The following INPP4B variants were observed in gnomAD, a reference collection of about 807,000 sequenced individuals.
The protein encoded by INPP4B is inositol polyphosphate 4-phosphatase type II.
INPP4B carries 55 observed loss-of-function variants against 122.5 expected under a neutral mutation model. The observed-to-expected ratio is 0.45, with a 90% CI of 0.36 to 0.56. The LOEUF is 0.56. Ranked by LOEUF, INPP4B falls within the 20% of genes least tolerant of loss-of-function variation. The pLI is 0.00. For synonymous variants in INPP4B, 403 were observed against 388.7 expected, an observed-to-expected ratio of 1.04 and a Z score of -0.43; for missense variants, 1,000 against 1,097.7, an observed-to-expected ratio of 0.91 and a Z score of 1.26.
At chr4:142,189,905 G>A (rs1834970136) in intron 15 of INPP4B, among the ~76,000 whole-genome samples, 1 of 152,098 alleles carries the variant, frequency 6.6e-6, no homozygotes, top group Non-Finnish European at 1.5e-5. Context: ...TAAAAGTTCA[G>A]TCTCCCTAAT....
intron 2 of INPP4B, among the ~76,000 whole-genome samples, chr4:142,628,702 A>G (rs1163621482): frequency 6.6e-6 from 1 of 151,840 alleles, no homozygotes; most frequent in African/African-American, 2.4e-5. Flanking sequence ...TTCATAAGAT[A>G]TGGCCCCACA....
chr4:142,479,451 C>T (rs75165155), intron 2 of INPP4B, among the ~76,000 whole-genome samples: 3,201 of 152,218 alleles, frequency 0.021, 110 homozygotes, highest in African/African-American at 0.071. Flanking sequence ...CCAGCAGGCT[C>T]ATTATTTGGT....
At chr4:142,419,118 GAGAT>G (rs1018269491) in intron 5 of INPP4B, among the ~76,000 whole-genome samples, 4 of 152,124 alleles carry the variant, frequency 2.6e-5, no homozygotes, top group African/African-American at 9.7e-5. Flanking sequence ...GTGCTTTATG[GAGAT>G]AGATACCATG....
At position 142,089,437 on chromosome 4, in the gene INPP4B, CCACA is replaced by C. The variant is rs36203495; in HGVS notation, c.2375-3185_2375-3182del. ...ACAGAGTAGATTGTAGATGTTCTCA[CCACA>C]CACACACACACACACACACACACAC... On this transcript the variant is annotated intron_variant, in intron 23 of 25. Transcript: ENST00000262992. Among the ~76,000 whole-genome samples the C allele has an allele frequency of 5.0e-3, 713 of 141,582 alleles. 3 individuals carry two copies. The highest frequency in any genetic ancestry group is 0.017 in the African/African-American group (627 of 37,772). 92.9% of individuals were successfully genotyped at this position (141,582 alleles called of 152,430 possible). A position where few individuals can be genotyped will look rare whatever the true frequency, so the allele number is the denominator to read the frequency against.
intron 18 of INPP4B, among the ~76,000 whole-genome samples, chr4:142,131,871 C>A (rs1801446067): frequency 6.6e-6 from 1 of 151,968 alleles, no homozygotes; most frequent in African/African-American, 2.4e-5. Context: ...AGGAGAATTG[C>A]TTGAACCCGG....
chr4:142,563,740 C>T (rs187569842), intron 2 of INPP4B, among the ~76,000 whole-genome samples: 110 of 152,256 alleles, frequency 7.2e-4, no homozygotes, highest in African/African-American at 2.6e-3. Context: ...GTGAAAATAA[C>T]TTGCAGTTTC....
At chr4:142,193,569 C>T (rs1836899346) in intron 14 of INPP4B, among the ~76,000 whole-genome samples, 1 of 151,922 alleles carries the variant, frequency 6.6e-6, no homozygotes, top group African/African-American at 2.4e-5. Flanking sequence ...TGAAATTCAA[C>T]AATAACGAAC....
intron 2 of INPP4B, among the ~76,000 whole-genome samples, chr4:142,656,200 C>T (rs1320049407): frequency 6.6e-6 from 1 of 152,158 alleles, no homozygotes; most frequent in Non-Finnish European, 1.5e-5. Flanking sequence ...GAGACTCTGG[C>T]CAGTTTGCCC....
At chr4:142,064,704 A>G (rs1481091831) in intron 25 of INPP4B, among the ~76,000 whole-genome samples, 2 of 152,094 alleles carry the variant, frequency 1.3e-5, no homozygotes, top group Non-Finnish European at 2.9e-5. Flanking sequence ...TATTTTCTTC[A>G]ATAGAAAAAA....
At position 142,205,695 on chromosome 4, in the gene INPP4B, G is replaced by A. The variant is rs745627716; in HGVS notation, c.1072+2730C>T. Among the ~76,000 whole-genome samples, 81 of 152,234 alleles carry A rather than the reference G, an allele frequency of 5.3e-4. 1 individual carries two copies. The highest frequency in any genetic ancestry group is 9.3e-4 in the Non-Finnish European group (63 of 67,992). ...GCAGACTCAGCTCATGTAAAAAGCG[G>A]TAGTGCTACAATTCAAGCCCAGGGC... On this transcript the variant is annotated intron_variant, in intron 14 of 25. Transcript: ENST00000262992.
At chr4:142,644,319 A>T (rs1378945911) in intron 2 of INPP4B, among the ~76,000 whole-genome samples, 1 of 151,490 alleles carries the variant, frequency 6.6e-6, no homozygotes, top group Non-Finnish European at 1.5e-5. Context: ...GAGGAGGAGG[A>T]GGAGGGCGAG....
At chr4:142,758,653 TTG>T (rs1770849880) in intron 1 of INPP4B, among the ~76,000 whole-genome samples, 1 of 152,070 alleles carries the variant, frequency 6.6e-6, no homozygotes, top group African/African-American at 2.4e-5. Context: ...GAAAGCAACC[TTG>T]AAATTCACTT....
At chr4:142,655,147 A>G (rs927105408) in intron 2 of INPP4B, among the ~76,000 whole-genome samples, 1 of 149,862 alleles carries the variant, frequency 6.7e-6, no homozygotes, top group Non-Finnish European at 1.5e-5. Flanking sequence ...TTCTTCAAAA[A>G]ACAACAATAG....
At chr4:142,169,245 AC>A (rs1476213719) in intron 16 of INPP4B, among the ~76,000 whole-genome samples, 1 of 151,686 alleles carries the variant, frequency 6.6e-6, no homozygotes, top group African/African-American at 2.4e-5. Context: ...AAAAACAGCA[AC>A]ATAATTTCTG....
chr4:142,088,011 C>G (rs1322798510), intron 23 of INPP4B, among the ~76,000 whole-genome samples: 7 of 152,226 alleles, frequency 4.6e-5, no homozygotes. Context: ...GAATTTGTTT[C>G]TAAAAGAGAA....
At chr4:142,120,249 T>C (rs1476404356) in intron 21 of INPP4B, among the ~76,000 whole-genome samples, 1 of 152,132 alleles carries the variant, frequency 6.6e-6, no homozygotes, top group Non-Finnish European at 1.5e-5. Context: ...ATTATAGTTT[T>C]GTAGTAATTT....
At chr4:142,753,655 A>C (rs562167854) in intron 1 of INPP4B, among the ~76,000 whole-genome samples, 1 of 152,230 alleles carries the variant, frequency 6.6e-6, no homozygotes, top group Non-Finnish European at 1.5e-5. Flanking sequence ...ATTTACTTTA[A>C]GGATTAATTT....
chr4:142,826,105 A>G (rs1022615992), intron 1 of INPP4B, among the ~76,000 whole-genome samples: 2 of 152,108 alleles, frequency 1.3e-5, no homozygotes, highest in African/African-American at 4.8e-5. Flanking sequence ...AGTAAAATTT[A>G]CTCAACAAAT....
intron 7 of INPP4B, among the ~76,000 whole-genome samples, chr4:142,326,171 C>T (rs766549929): frequency 1.3e-5 from 2 of 152,126 alleles, no homozygotes; most frequent in Non-Finnish European, 2.9e-5. Context: ...TTGTACAGAC[C>T]CCGTCGGTTT....
Sources: gnomAD v4.1 joint callset for allele counts (sites outside exome capture counted in the v4.1 genomes callset) on GRCh38, gnomAD v4.1.1 for gene constraint, MANE v1.5 for transcripts, NCBI Gene and HGNC (gene_info 2026-07-23, HGNC 2026-07-21) for gene names.